Variants in TJP3 observed in about 807,000 individuals in gnomAD.
The protein encoded by TJP3 is tight junction protein 3.
TJP3 carries 85 observed loss-of-function variants against 104.2 expected under a neutral mutation model. The ratio of observed to expected loss-of-function variants is 0.82; its 90% CI spans 0.68 to 0.98. The LOEUF (loss-of-function observed/expected upper bound fraction) is 0.98. TJP3 is among the 50% of genes least tolerant of loss of function. TJP3 has a pLI of 0.00. For synonymous variants in TJP3, 550 were observed against 550.6 expected (o/e 1.00, Z 0.02); for missense variants, 1,367 against 1,322.8 (o/e 1.03, Z -0.52).
chr19:3,724,107 G>A (rs931082054), intron 1 of TJP3, among the ~76,000 whole-genome samples: 14 of 152,068 alleles, frequency 9.2e-5, no homozygotes, highest in Admixed American at 3.9e-4. Context: ...CCATGGAGAC[G>A]AACCCGCACA....
At chr19:3,740,150 T>C (rs576779545) in intron 13 of TJP3, among the ~76,000 whole-genome samples, 24 of 152,208 alleles carry the variant, frequency 1.6e-4, no homozygotes, top group African/African-American at 5.8e-4. Context: ...GAGAATCGCT[T>C]GAACCTGGGA....
At chr19:3,714,371 G>A (rs1308562638) in intron 1 of TJP3, among the ~76,000 whole-genome samples, 1 of 148,550 alleles carries the variant, frequency 6.7e-6, no homozygotes, top group Admixed American at 6.7e-5. Flanking sequence ...GTAGAGACAG[G>A]GTTTCACCAT....
chr19:3,714,318 T>C (rs1212636287), intron 1 of TJP3, among the ~76,000 whole-genome samples: 6 of 151,770 alleles, frequency 4.0e-5, no homozygotes. Context: ...TAGCTGGGAT[T>C]ACAGGCACGT....
Position 3,747,894 on chromosome 19 carries a change from A to G in TJP3, c.2423A>G (p.Glu808Gly). The change falls in exon 19 of 21, where the codon GAG becomes GGG. Residue 808 changes from glutamate (E) to glycine (G), a missense_variant. By Grantham distance (98) the Glu-to-Gly change is moderately conservative. Transcript: ENST00000541714. ...SCDSRVNSDY[E>G]TDGEGGAYTD... ...GACAGCCGCGTTAACAGCGACTACGAGACGGACGGCGAGGGCGGCGCGTAC... is the reference window on the plus strand; with the variant it reads ...GACAGCCGCGTTAACAGCGACTACGGGACGGACGGCGAGGGCGGCGCGTAC... 6.2e-7 allele frequency: 1 copy of G among 1,613,286 alleles called. No individual in the cohort carries two copies. Among genetic ancestry groups the G allele is most frequent in the Non-Finnish European group, 8.5e-7 (1 of 1,179,944 alleles).
Position 3,730,510 on chromosome 19 carries a change from C to A in TJP3, c.417C>A (p.Gly139=), listed in dbSNP as rs1202247763. 6.3e-7 allele frequency: 1 copy of A among 1,589,128 alleles called. No individual in the cohort carries two copies. Among genetic ancestry groups the A allele is most frequent in the Non-Finnish European group, 8.6e-7 (1 of 1,169,578 alleles). The change falls in exon 5 of 21, where the codon GGC becomes GGA. Residue 139 remains glycine (G), a synonymous_variant. Transcript: ENST00000541714. This position sits in a 1 kb window ranked among gnomAD's most constrained non-coding sequence, Gnocchi z 7.3. The part of the protein sequence containing the change: ...GYDGDSSSGS[G]RSWDERSRRP... Reference sequence around the variant, plus strand: ...ACGGCGACTCATCCAGTGGCTCCGGCCGCTCCTGGGACGAGCGCTCCCGCC... The same window carrying A: ...ACGGCGACTCATCCAGTGGCTCCGGACGCTCCTGGGACGAGCGCTCCCGCC...
chr19:3,717,114 T>A (rs186493656), intron 1 of TJP3, among the ~76,000 whole-genome samples: 1 of 146,418 alleles, frequency 6.8e-6, no homozygotes, highest in Non-Finnish European at 1.5e-5. Flanking sequence ...TACAGGCATG[T>A]GCCACCACAC....
rs906551584 is a variant in TJP3, at chr19:3,722,063, G to A, written c.-9-6361G>A. ...TCCCAGAGGGATGAAGTGGCTAGCT[G>A]GAGGTTGCACTTCGAGATGCGTCCG... On this transcript the variant is annotated intron_variant, in intron 1 of 20. Transcript: ENST00000541714. 3.3e-5 allele frequency among the ~76,000 whole-genome samples: 5 copies of A among 149,740 alleles called. No individual in the cohort carries two copies. The East Asian group carries it at 1.0e-3, about 31-fold the overall frequency.
At chr19:3,709,875 C>T (rs1665640127) in intron 1 of TJP3, among the ~76,000 whole-genome samples, 2 of 152,202 alleles carry the variant, frequency 1.3e-5, no homozygotes, top group South Asian at 2.1e-4. Flanking sequence ...GAGGGCCGGG[C>T]GCGGTGGCTC....
chr19:3,728,924 G>A (rs1362816866), intron 3 of TJP3, among the ~76,000 whole-genome samples: 1 of 152,230 alleles, frequency 6.6e-6, no homozygotes, highest in East Asian at 1.9e-4. Context: ...GTGGTAGCGT[G>A]TTCCTGTAAT....
chr19:3,716,455 G>C (rs1004104233), intron 1 of TJP3, among the ~76,000 whole-genome samples: 1 of 148,126 alleles, frequency 6.8e-6, no homozygotes, highest in Non-Finnish European at 1.5e-5. Context: ...TCGAGGTGCA[G>C]GGGCAAACAG....
Position 3,740,588 on chromosome 19 carries a change from G to A in TJP3, c.1668G>A (p.Arg556=). ...EQLASLEAAQ[R]AVGVGPGSSA... The stretch of plus-strand genomic sequence containing the variant: ...TGGCCAGCCTGGAAGCTGCCCAGAG[G>A]GCCGTGGGAGTCGGGCCCGGCTCCT... The change falls in exon 14 of 21, where the codon AGG becomes AGA. Residue 556 remains arginine, a synonymous_variant. Transcript: ENST00000541714. The A allele has an allele frequency of 6.5e-7, 1 of 1,535,210 alleles. No individual in the cohort carries two copies. The highest frequency in any genetic ancestry group is 8.8e-7 in the Non-Finnish European group (1 of 1,142,108).
Position 3,735,782 on chromosome 19 carries a change from T to A in TJP3, c.1061-87T>A, listed in dbSNP as rs903735682. 7 of 1,591,572 alleles carry A rather than the reference T, an allele frequency of 4.4e-6. No individual in the cohort carries two copies. In the Admixed American group the frequency reaches 1.0e-4, roughly 23 times the overall value. ...GAGAAGGACTCGAGGTGGGTGACAG[T>A]CCTTCCAGGATGAGGACATAAAGCA... On this transcript the variant is annotated intron_variant, in intron 9 of 20. Transcript: ENST00000541714.
Position 3,746,573 on chromosome 19 carries a change from C to T in TJP3, c.2099C>T (p.Pro700Leu). The part of the protein sequence containing the change: ...QYYPIVVFFI[P>L]ESRPALKALR... ...TACCCCATTGTGGTCTTCTTCATCC[C>T]CGAGAGCCGGCCGGCCCTCAAGGCA... Residue 700 changes from proline to leucine, a missense_variant, in exon 17 of 21, where the codon CCC becomes CTC. Pro to Leu is a moderately conservative substitution (Grantham distance 98). Coordinates refer to ENST00000541714, the MANE Select transcript of TJP3 (RefSeq NM_001267560.2). The surrounding 1 kb of genome is among the most constrained non-coding windows in gnomAD (Gnocchi z 4.1). The T allele has an allele frequency of 6.2e-7, 1 of 1,614,016 alleles. No individual in the cohort carries two copies. The highest frequency in any genetic ancestry group is 8.5e-7 in the Non-Finnish European group (1 of 1,180,024).
intron 8 of TJP3, 77 bp downstream of exon 8, chr19:3,734,512 C>G: frequency 7.5e-7 from 1 of 1,329,048 alleles, no homozygotes; most frequent in Non-Finnish European, 1.0e-6. Flanking sequence ...GCGGGCGTAG[C>G]TTTCCAACTG....
chr19:3,725,424 C>G (rs1033478362), intron 1 of TJP3, among the ~76,000 whole-genome samples: 4 of 152,158 alleles, frequency 2.6e-5, no homozygotes, highest in Non-Finnish European at 4.4e-5. Flanking sequence ...AACTGTGCCA[C>G]TTCCTAAGGT....
At chr19:3,721,001 G>A (rs1216087603) in intron 1 of TJP3, among the ~76,000 whole-genome samples, 1 of 143,162 alleles carries the variant, frequency 7.0e-6, no homozygotes, top group Admixed American at 7.5e-5. Context: ...TCCGCCTCCC[G>A]GGTTCAACCG....
rs68095746 is a variant in TJP3, at chr19:3,748,245, G to T, written c.2610+164G>T. On this transcript the variant is annotated intron_variant, in intron 19 of 20. Coordinates refer to ENST00000541714, the MANE Select transcript of TJP3 (RefSeq NM_001267560.2). ...CAGACCTGGGGTAGCTGAGACCCACGTGGCACTGAGTAACTTGCAGCATTT... is the reference window on the plus strand; with the variant it reads ...CAGACCTGGGGTAGCTGAGACCCACTTGGCACTGAGTAACTTGCAGCATTT... 4.2e-3 allele frequency among the ~76,000 whole-genome samples: 635 copies of T among 151,176 alleles called. 2 individuals carry two copies. The highest frequency in any genetic ancestry group is 0.01 in the Middle Eastern group (3 of 294).
chr19:3,719,850 C>G (rs1009732581), intron 1 of TJP3, among the ~76,000 whole-genome samples: 9 of 151,970 alleles, frequency 5.9e-5, no homozygotes, highest in Admixed American at 2.0e-4. Flanking sequence ...AGGGATTGAA[C>G]TTCATTTTGG....
intron 19 of TJP3, among the ~76,000 whole-genome samples, chr19:3,748,996 T>C (rs2036949242): frequency 6.6e-6 from 1 of 151,686 alleles, no homozygotes; most frequent in African/African-American, 2.4e-5. Context: ...GTAGCTGGGA[T>C]TACAGGTGAG....
Sources: allele counts gnomAD v4.1 joint callset (sites outside exome capture counted in the v4.1 genomes callset), GRCh38; gene constraint gnomAD v4.1.1; non-coding constraint Gnocchi (gnomAD v3.1); transcripts MANE v1.5; gene names NCBI Gene and HGNC (gene_info 2026-07-23, HGNC 2026-07-21).